The following LRRC4C variants were observed in gnomAD, a reference collection of about 807,000 sequenced individuals.
LRRC4C encodes the protein leucine-rich repeat-containing protein 4C.
In LRRC4C, 5 loss-of-function variants were observed where a neutral mutation model predicts 33.6. The observed-to-expected ratio is 0.15, with a 90% confidence interval of 0.08 to 0.31. The LOEUF is 0.31. LRRC4C is among the 10% of genes least tolerant of loss of function. LRRC4C has a pLI of 1.00. For synonymous variants in LRRC4C, 329 were observed against 302.0 expected (o/e 1.09, Z -0.93); for missense variants, 560 against 796.7 (o/e 0.70, Z 3.58).
intron 5 of LRRC4C, among the ~76,000 whole-genome samples, chr11:40,164,153 T>G (rs906878210): frequency 5.3e-5 from 8 of 152,194 alleles, no homozygotes; most frequent in African/African-American, 1.9e-4. Flanking sequence ...GACCTCAGTC[T>G]TAAGCCATCA....
chr11:41,195,916 C>A (rs1946159770), intron 1 of LRRC4C, among the ~76,000 whole-genome samples: 1 of 152,006 alleles, frequency 6.6e-6, no homozygotes, highest in Non-Finnish European at 1.5e-5. Flanking sequence ...AGAAGCTAAG[C>A]CCTTTGAGAA....
At chr11:41,366,921 A>G (rs1952565974) in intron 1 of LRRC4C, among the ~76,000 whole-genome samples, 1 of 152,190 alleles carries the variant, frequency 6.6e-6, no homozygotes, top group Non-Finnish European at 1.5e-5. Context: ...GTTCTAGCAA[A>G]CTAATAAAAT....
chr11:40,271,196 C>G (rs1029502908), intron 4 of LRRC4C, among the ~76,000 whole-genome samples: 3 of 152,140 alleles, frequency 2.0e-5, no homozygotes, highest in African/African-American at 7.2e-5. Flanking sequence ...AAAACCAGTT[C>G]CCAATACCCC....
chr11:41,129,909 C>T (rs1211248694), intron 1 of LRRC4C, among the ~76,000 whole-genome samples: 1 of 151,948 alleles, frequency 6.6e-6, no homozygotes, highest in African/African-American at 2.4e-5. Context: ...GATCACTTGG[C>T]TGTAACTGTA....
chr11:40,468,595 C>T (rs970496925), intron 3 of LRRC4C, among the ~76,000 whole-genome samples: 41 of 152,076 alleles, frequency 2.7e-4, no homozygotes, highest in African/African-American at 8.5e-4. Context: ...AGCTTAAAGG[C>T]GTGTGTGTGA....
At chr11:41,118,226 C>T (rs1205401065) in intron 1 of LRRC4C, among the ~76,000 whole-genome samples, 1 of 152,138 alleles carries the variant, frequency 6.6e-6, no homozygotes, top group African/African-American at 2.4e-5. Context: ...GTTTTTCTAG[C>T]TGATTATGCA....
At chr11:40,308,207 C>A (rs1181246340) in intron 4 of LRRC4C, among the ~76,000 whole-genome samples, 1 of 152,142 alleles carries the variant, frequency 6.6e-6, no homozygotes, top group Non-Finnish European at 1.5e-5. Context: ...CCCCACCACA[C>A]ATACAGTTGT....
At chr11:40,731,921 G>T (rs1028796321) in intron 2 of LRRC4C, among the ~76,000 whole-genome samples, 3 of 151,948 alleles carry the variant, frequency 2.0e-5, no homozygotes, top group Non-Finnish European at 4.4e-5. Flanking sequence ...TGCTAAATAT[G>T]TTGCTAAATA....
intron 1 of LRRC4C, among the ~76,000 whole-genome samples, chr11:41,428,848 C>G (rs1444393278): frequency 6.6e-6 from 1 of 152,054 alleles, no homozygotes; most frequent in Non-Finnish European, 1.5e-5. Flanking sequence ...ATTAAATAGT[C>G]CCTAAAAGGC....
chr11:40,317,469 A>T (rs959774411), intron 4 of LRRC4C, among the ~76,000 whole-genome samples: 1 of 152,110 alleles, frequency 6.6e-6, no homozygotes. Flanking sequence ...TAGAGCTGAC[A>T]ATAAATTACA....
chr11:40,179,975 T>A (rs1860852642), intron 5 of LRRC4C, among the ~76,000 whole-genome samples: 1 of 152,200 alleles, frequency 6.6e-6, no homozygotes, highest in South Asian at 2.1e-4. Flanking sequence ...TATCACACTT[T>A]CTCTGTCAGT....
chr11:40,591,999 G>A (rs1385889880), intron 3 of LRRC4C, among the ~76,000 whole-genome samples: 1 of 152,086 alleles, frequency 6.6e-6, no homozygotes, highest in Non-Finnish European at 1.5e-5. Context: ...AACCACTTCT[G>A]GTTTGGAGCT....
At chr11:40,752,806 G>A (rs1948758264) in intron 2 of LRRC4C, among the ~76,000 whole-genome samples, 1 of 152,026 alleles carries the variant, frequency 6.6e-6, no homozygotes, top group South Asian at 2.1e-4. Flanking sequence ...GTATGTTAAA[G>A]AATACCTGCA....
rs537995642 is a variant in LRRC4C, at chr11:41,245,389, G to T, written c.-496+214042C>A. 2.0e-5 allele frequency among the ~76,000 whole-genome samples: 3 copies of T among 152,280 alleles called. No individual in the cohort carries two copies. In the East Asian group the frequency reaches 5.8e-4, roughly 30 times the overall value. On this transcript the variant is annotated intron_variant, in intron 1 of 6. Coordinates refer to ENST00000528697, the MANE Select transcript of LRRC4C (RefSeq NM_001258419.2). ...GGGGTGTGTAAGTGAGGGAGCCTGG[G>T]GTCCAGCCACTGTGAACAGCCAGGC...
intron 1 of LRRC4C, among the ~76,000 whole-genome samples, chr11:41,218,870 C>T (rs1947179418): frequency 6.6e-6 from 1 of 150,684 alleles, no homozygotes; most frequent in African/African-American, 2.4e-5. Flanking sequence ...TGAATTCACG[C>T]CATTCTCCTG....
chr11:41,249,999 A>AC (rs1404289728), intron 1 of LRRC4C, among the ~76,000 whole-genome samples: 1 of 119,770 alleles, frequency 8.3e-6, no homozygotes, highest in East Asian at 2.3e-4. Flanking sequence ...TCCCATCTCT[A>AC]CTAAAAAAAA....
At chr11:41,314,655 C>T (rs565981301) in intron 1 of LRRC4C, among the ~76,000 whole-genome samples, 52 of 152,050 alleles carry the variant, frequency 3.4e-4, no homozygotes, top group African/African-American at 1.1e-3. Context: ...GTCAGGGGTG[C>T]GGGGCCGTGG....
intron 3 of LRRC4C, among the ~76,000 whole-genome samples, chr11:40,432,960 C>CGTTTT (rs145981379): frequency 0.036 from 5,538 of 152,008 alleles, 335 homozygotes; most frequent in African/African-American, 0.13. Flanking sequence ...AATGGATATA[C>CGTTTT]GTTTTAAGTA....
chr11:40,352,116 TTC>T (rs1565303398), intron 3 of LRRC4C, among the ~76,000 whole-genome samples: 6,347 of 65,910 alleles, frequency 0.096, 214 homozygotes, highest in South Asian at 0.11. Context: ...TCTTTCTTCC[TTC>T]CTTCCTTCCT....
Sources: allele counts gnomAD v4.1 joint callset (sites outside exome capture counted in the v4.1 genomes callset), GRCh38; gene constraint gnomAD v4.1.1; transcripts MANE v1.5; gene names NCBI Gene and HGNC (gene_info 2026-07-23, HGNC 2026-07-21).